Variants in ADGRV1 observed in about 807,000 individuals in gnomAD.
ADGRV1 encodes G-protein coupled receptor 98.
Under a neutral mutation model 596.2 loss-of-function variants are expected in ADGRV1, and 359 were observed. The ratio of observed to expected loss-of-function variants is 0.60; its 90% CI spans 0.55 to 0.66. The LOEUF is 0.66. Among genes scored for constraint, ADGRV1 ranks in the 30% least tolerant of loss-of-function variants. The pLI is 0.00. For synonymous variants in ADGRV1, 2,681 were observed against 2,679.2 expected (o/e 1.00, Z -0.02); for missense variants, 7,274 against 7,575.6 (o/e 0.96, Z 1.48).
intron 38 of ADGRV1, among the ~76,000 whole-genome samples, chr5:90,708,502 GT>G (rs766200176): frequency 2.0e-5 from 3 of 150,654 alleles, no homozygotes; most frequent in Non-Finnish European, 4.4e-5. Context: ...AATTTCAAAT[GT>G]TTTGTTCATA....
At chr5:91,041,806 C>G (rs140599109) in intron 85 of ADGRV1, among the ~76,000 whole-genome samples, 1 of 152,094 alleles carries the variant, frequency 6.6e-6, no homozygotes, top group Admixed American at 6.6e-5. Context: ...AATATAATCT[C>G]TACCTTCATA....
chr5:90,692,962 C>G (rs1746678506), intron 32 of ADGRV1, among the ~76,000 whole-genome samples, 176 bp downstream of exon 32: 2 of 152,212 alleles, frequency 1.3e-5, no homozygotes, highest in Non-Finnish European at 2.9e-5. Context: ...AAGGGCCTTT[C>G]ATTTATCATA....
intron 86 of ADGRV1, among the ~76,000 whole-genome samples, chr5:91,085,742 G>A (rs1175521160): frequency 2.0e-5 from 3 of 152,108 alleles, no homozygotes; most frequent in Non-Finnish European, 4.4e-5. Context: ...TCTCTCTCCT[G>A]TAGGTCTTTC....
intron 87 of ADGRV1, among the ~76,000 whole-genome samples, chr5:91,145,100 C>T (rs1339677433): frequency 6.6e-6 from 1 of 152,178 alleles, no homozygotes; most frequent in Non-Finnish European, 1.5e-5. Context: ...ATACAATCTG[C>T]GTTTAAACAT....
chr5:91,149,277 A>G (rs982537011), intron 87 of ADGRV1, among the ~76,000 whole-genome samples: 3 of 152,236 alleles, frequency 2.0e-5, no homozygotes, highest in African/African-American at 7.2e-5. Flanking sequence ...ACCTTGAATT[A>G]TAATAATCCC....
chr5:91,058,508 G>A (rs1326073605), intron 85 of ADGRV1, among the ~76,000 whole-genome samples: 1 of 148,958 alleles, frequency 6.7e-6, no homozygotes, highest in Non-Finnish European at 1.5e-5. Context: ...GAAGCTTTGT[G>A]GGAGTGGGAC....
chr5:90,791,359 T>C lies in ADGRV1; in HGVS notation c.14517+13T>C. The C allele has an allele frequency of 6.6e-7, 1 of 1,521,090 alleles. No individual in the cohort carries two copies. The highest frequency in any genetic ancestry group is 8.9e-7 in the Non-Finnish European group (1 of 1,126,894). 94.2% of individuals were successfully genotyped at this position (1,521,090 alleles called of 1,614,324 possible). The stretch of plus-strand genomic sequence containing the variant: ...AATAAAGAATCAGGTTTGTGGCATT[T>C]CTTCAGTTTCCTGATCATTCCAATA... On this transcript the variant is annotated intron_variant, in intron 70 of 89. Transcript: ENST00000405460.
intron 17 of ADGRV1, among the ~76,000 whole-genome samples, chr5:90,649,639 A>G (rs1768303791): frequency 6.6e-6 from 1 of 151,948 alleles, no homozygotes; most frequent in Non-Finnish European, 1.5e-5. Context: ...CAGGCTGGCA[A>G]CACCACACCC....
intron 13 of ADGRV1, among the ~76,000 whole-genome samples, chr5:90,643,388 T>G (rs1017696076): frequency 3.9e-5 from 6 of 152,164 alleles, no homozygotes; most frequent in Non-Finnish European, 8.8e-5. Flanking sequence ...TGAAGAAATT[T>G]TGCTATAGAA....
chr5:90,975,428 A>G lies in ADGRV1; in HGVS notation c.17973+9897A>G, dbSNP rs182036667. On this transcript the variant is annotated intron_variant, in intron 84 of 89. Transcript: ENST00000405460. Reference sequence around the variant, plus strand: ...TATGTTTATTGTGGCACTATTCACAATAGCAAAGACTTGGAACTCACCCAA... The same window carrying G: ...TATGTTTATTGTGGCACTATTCACAGTAGCAAAGACTTGGAACTCACCCAA... Among the ~76,000 whole-genome samples the G allele has an allele frequency of 3.9e-5, 6 of 152,360 alleles. No homozygotes were observed. The East Asian group carries it at 7.7e-4, about 20-fold the overall frequency.
chr5:91,099,490 C>T (rs967563849), intron 86 of ADGRV1, among the ~76,000 whole-genome samples: 4 of 152,178 alleles, frequency 2.6e-5, no homozygotes, highest in Non-Finnish European at 5.9e-5. Flanking sequence ...TGCAGTGCTG[C>T]CCAGCTGGAA....
chr5:90,820,342 C>T (rs1391951190), intron 75 of ADGRV1, among the ~76,000 whole-genome samples: 18 of 145,654 alleles, frequency 1.2e-4, no homozygotes, highest in Non-Finnish European at 2.1e-4. Context: ...CTGAATACAG[C>T]ACACTGATGG....
chr5:90,823,285 T>G, intron 75 of ADGRV1, 140 bp from the exon 76 acceptor site: 1 of 815,034 alleles, frequency 1.2e-6, no homozygotes, highest in Non-Finnish European at 1.9e-6. Flanking sequence ...TCATCAGTGG[T>G]AAAGTAAGTG....
rs193069280 is a variant in ADGRV1, at chr5:91,127,344, C to A, written c.18433-22686C>A. 5.2e-3 allele frequency among the ~76,000 whole-genome samples: 797 copies of A among 152,074 alleles called. 7 individuals are homozygous for A. The highest frequency in any genetic ancestry group is 0.018 in the African/African-American group (753 of 41,500). On this transcript the variant is annotated intron_variant, in intron 87 of 89. Transcript: ENST00000405460. Reference sequence around the variant, plus strand: ...TGCTTGAGGCCAGGAGTTTGAGACCCACCTGGGCAACACAGTGACATGTTG... The same window carrying A: ...TGCTTGAGGCCAGGAGTTTGAGACCAACCTGGGCAACACAGTGACATGTTG...
chr5:90,642,541 A>G, intron 11 of ADGRV1, 95 bp from the exon 12 acceptor site: 1 of 1,308,082 alleles, frequency 7.6e-7, no homozygotes, highest in Non-Finnish European at 1.1e-6. Flanking sequence ...CCTTTTCATT[A>G]TCTGGAAGAG....
chr5:90,836,278 C>T (rs1764960432), intron 77 of ADGRV1, among the ~76,000 whole-genome samples: 1 of 152,160 alleles, frequency 6.6e-6, no homozygotes, highest in Non-Finnish European at 1.5e-5. Flanking sequence ...AAAACTTGCA[C>T]ATGAACATTT....
intron 83 of ADGRV1, among the ~76,000 whole-genome samples, chr5:90,927,645 G>A (rs1461174052): frequency 2.6e-5 from 4 of 151,950 alleles, no homozygotes; most frequent in East Asian, 1.9e-4. Context: ...TAAAGTTAAT[G>A]TTGTTATGTG....
At chr5:90,924,567 T>G (rs1254074120) in intron 83 of ADGRV1, among the ~76,000 whole-genome samples, 2 of 151,092 alleles carry the variant, frequency 1.3e-5, no homozygotes, top group African/African-American at 4.9e-5. Context: ...GAAAATTTTC[T>G]CCCATTTTGT....
intron 84 of ADGRV1, among the ~76,000 whole-genome samples, chr5:90,973,346 A>G (rs7721862): frequency 0.25 from 38,574 of 152,170 alleles, 5,289 homozygotes; most frequent in Non-Finnish European, 0.31. Context: ...TCCCTAACTC[A>G]TTTTATGAGG....
Sources: gnomAD v4.1 joint callset for allele counts (sites outside exome capture counted in the v4.1 genomes callset) on GRCh38, gnomAD v4.1.1 for gene constraint, MANE v1.5 for transcripts, NCBI Gene and HGNC (gene_info 2026-07-23, HGNC 2026-07-21) for gene names.